KCNH8: variants seen among roughly 807,000 people sequenced by gnomAD.
KCNH8 encodes potassium voltage-gated channel subfamily H member 8.
Under a neutral mutation model 103.6 loss-of-function variants are expected in KCNH8, and 70 were observed. That is an observed-to-expected ratio of 0.68 (90% CI 0.56 to 0.82). The LOEUF (loss-of-function observed/expected upper bound fraction) is 0.82. Ranked by LOEUF, KCNH8 falls within the 40% of genes least tolerant of loss-of-function variation. The pLI, the probability that KCNH8 is intolerant of heterozygous loss-of-function variation, is 0.00. For synonymous variants in KCNH8, 498 were observed against 489.4 expected, an observed-to-expected ratio of 1.02 and a Z score of -0.23; for missense variants, 1,217 against 1,329.9, an observed-to-expected ratio of 0.92 and a Z score of 1.32.
intron 8 of KCNH8, among the ~76,000 whole-genome samples, chr3:19,444,108 T>C (rs1407268457): frequency 6.6e-6 from 1 of 152,004 alleles, no homozygotes; most frequent in Non-Finnish European, 1.5e-5. Context: ...AGAACAAAAT[T>C]GGAAGATTTG....
chr3:19,322,779 T>TAA (rs1220990575), intron 3 of KCNH8, among the ~76,000 whole-genome samples: 1 of 152,200 alleles, frequency 6.6e-6, no homozygotes, highest in Admixed American at 6.5e-5. Flanking sequence ...TTATCCCCTC[T>TAA]AACATGTTTT....
At chr3:19,499,051 A>G (rs986463607) in intron 11 of KCNH8, among the ~76,000 whole-genome samples, 5 of 152,208 alleles carry the variant, frequency 3.3e-5, no homozygotes, top group Non-Finnish European at 7.3e-5. Flanking sequence ...AAAAAAATTT[A>G]GAAGAATGTA....
chr3:19,394,646 G>A (rs1051091395), intron 6 of KCNH8, among the ~76,000 whole-genome samples: 6 of 151,920 alleles, frequency 3.9e-5, no homozygotes, highest in African/African-American at 1.2e-4. Context: ...TAATCTCTAA[G>A]GTATTTTTAT....
chr3:19,333,161 T>C lies in KCNH8; in HGVS notation c.443-9426T>C, dbSNP rs151104582. Among the ~76,000 whole-genome samples the C allele has an allele frequency of 8.5e-4, 130 of 152,334 alleles. 1 individual carries two copies. The highest frequency in any genetic ancestry group is 3.4e-3 in the Middle Eastern group (1 of 294). On this transcript the variant is annotated intron_variant, in intron 3 of 15. Transcript: ENST00000328405. ...GGTTATTTGCTATTCTTATATCCTC[T>C]AGTGAAATGTCTTTTGCTTATTTTC...
In KCNH8 at chr3:19,281,271, C is replaced by T; in HGVS notation, c.384C>T (p.Ala128=). 1 of 1,611,098 alleles carries T rather than the reference C, an allele frequency of 6.2e-7. No homozygotes were observed. The highest frequency in any genetic ancestry group is 8.5e-7 in the Non-Finnish European group (1 of 1,178,188). Residue 128 remains alanine, a synonymous_variant, in exon 3 of 16, where the codon GCC becomes GCT. Transcript: ENST00000328405. Reference sequence around the variant, plus strand: ...AAGGAGATGTAGTACTTTTTCTGGCCTCGTTCAAAGATATAACAGATACAA... The same window carrying T: ...AAGGAGATGTAGTACTTTTTCTGGCTTCGTTCAAAGATATAACAGATACAA... ...NEKGDVVLFL[A]SFKDITDTKV... is the part of the protein sequence containing the mutation.
chr3:19,149,936 G>A (rs1337968619), intron 1 of KCNH8, among the ~76,000 whole-genome samples: 2 of 152,138 alleles, frequency 1.3e-5, no homozygotes, highest in African/African-American at 2.4e-5. Context: ...ATCTTTGGGT[G>A]GGAAGCAAGT....
chr3:19,495,447 CTT>C (rs2068418818), intron 11 of KCNH8, among the ~76,000 whole-genome samples: 1 of 151,816 alleles, frequency 6.6e-6, no homozygotes, highest in Non-Finnish European at 1.5e-5. Flanking sequence ...ATTTACACCA[CTT>C]ATTGAGGAGG....
intron 5 of KCNH8, among the ~76,000 whole-genome samples, chr3:19,373,937 C>A (rs1227354546): frequency 6.6e-6 from 1 of 152,110 alleles, no homozygotes; most frequent in Non-Finnish European, 1.5e-5. Flanking sequence ...GATTCTTAAT[C>A]CTGAGTTCTA....
intron 5 of KCNH8, among the ~76,000 whole-genome samples, chr3:19,367,664 A>G (rs1429459566): frequency 6.6e-6 from 1 of 151,870 alleles, no homozygotes; most frequent in African/African-American, 2.4e-5. Flanking sequence ...AAAATATAAC[A>G]TGTAGCTCAT....
intron 7 of KCNH8, among the ~76,000 whole-genome samples, chr3:19,399,017 G>A (rs996917186): frequency 2.0e-5 from 3 of 151,940 alleles, no homozygotes; most frequent in African/African-American, 7.2e-5. Flanking sequence ...TCTGAAAAAT[G>A]TTTACATAGG....
At chr3:19,347,665 T>C in intron 4 of KCNH8, 60 bp from the exon 5 acceptor site, 2 of 1,589,608 alleles carry the variant, frequency 1.3e-6, no homozygotes, top group Non-Finnish European at 1.7e-6. Context: ...TTTCAAGCTA[T>C]GTAATCCTTG....
chr3:19,279,584 A>T (rs918448646), intron 2 of KCNH8, among the ~76,000 whole-genome samples: 1 of 144,010 alleles, frequency 6.9e-6, no homozygotes, highest in Non-Finnish European at 1.5e-5. Flanking sequence ...AAAAAAAAAA[A>T]TAAGGAGGAA....
chr3:19,209,770 C>T (rs1344178682), intron 1 of KCNH8, among the ~76,000 whole-genome samples: 1 of 152,046 alleles, frequency 6.6e-6, no homozygotes, highest in East Asian at 1.9e-4. Context: ...CCTGTTCACT[C>T]CATTTGCCAA....
chr3:19,357,052 G>A (rs1228369974), intron 5 of KCNH8, among the ~76,000 whole-genome samples: 1 of 151,680 alleles, frequency 6.6e-6, no homozygotes, highest in Non-Finnish European at 1.5e-5. Flanking sequence ...CAGATTCAGG[G>A]AATAAATTAT....
At chr3:19,388,088 T>C (rs904584536) in intron 5 of KCNH8, among the ~76,000 whole-genome samples, 1 of 152,130 alleles carries the variant, frequency 6.6e-6, no homozygotes, top group African/African-American at 2.4e-5. Context: ...GGAATGTATA[T>C]GGATGATGGT....
In KCNH8 at chr3:19,534,109, CCATGATG is replaced by C. The variant is rs2069225044; in HGVS notation, c.*13_*19del. 1 of 1,589,400 alleles carries C rather than the reference CCATGATG, an allele frequency of 6.3e-7. No individual in the cohort carries two copies. Among genetic ancestry groups the C allele is most frequent in the South Asian group, 1.1e-5 (1 of 89,754 alleles). On this transcript the variant is annotated 3_prime_UTR_variant, in exon 16 of 16. Coordinates refer to ENST00000328405, the MANE Select transcript of KCNH8 (RefSeq NM_144633.3). ...AGCCATAAATGTATGATATTAGTGC[CCATGATG>C]CAGCAGCTAATTTCAAACCTACCAC...
intron 1 of KCNH8, among the ~76,000 whole-genome samples, chr3:19,235,050 G>A (rs183203786): frequency 3.2e-3 from 482 of 152,288 alleles, no homozygotes; most frequent in Non-Finnish European, 3.4e-3. Context: ...AGTATTAGAA[G>A]TGTTTTGGTT....
chr3:19,258,941 CTCTCTCTATATA>C (rs1458117950), intron 2 of KCNH8, among the ~76,000 whole-genome samples: 561 of 64,416 alleles, frequency 8.7e-3, no homozygotes, highest in African/African-American at 0.016. Context: ...CTCTCTCTCT[CTCTCTCTATATA>C]TATATATATA....
chr3:19,414,004 A>G (rs1575037132), intron 7 of KCNH8, among the ~76,000 whole-genome samples: 1 of 152,102 alleles, frequency 6.6e-6, no homozygotes, highest in Admixed American at 6.6e-5. Flanking sequence ...TTAAAAATAT[A>G]AACAGCAGAT....
Sources: allele counts gnomAD v4.1 joint callset (sites outside exome capture counted in the v4.1 genomes callset), GRCh38; gene constraint gnomAD v4.1.1; transcripts MANE v1.5; gene names NCBI Gene and HGNC (gene_info 2026-07-23, HGNC 2026-07-21).